The following CDC42BPB variants were observed in gnomAD, a reference collection of about 807,000 sequenced individuals.
The protein encoded by CDC42BPB is serine/threonine-protein kinase MRCK beta.
Under a neutral mutation model 214.9 loss-of-function variants are expected in CDC42BPB, and 37 were observed. The ratio of observed to expected loss-of-function variants is 0.17; its 90% CI spans 0.13 to 0.23. The LOEUF (loss-of-function observed/expected upper bound fraction) is 0.23. CDC42BPB is among the 10% of genes least tolerant of loss of function. The probability of loss-of-function intolerance (pLI) is 1.00; values close to 1 mark genes in which losing one functional copy is unlikely to be tolerated. For missense variants in CDC42BPB, 1,694 were observed against 2,227.0 expected, an observed-to-expected ratio of 0.76 and a Z score of 4.82; for synonymous variants, 931 against 884.0, an observed-to-expected ratio of 1.05 and a Z score of -0.94.
intron 2 of CDC42BPB, 109 bp downstream of exon 2, chr14:103,011,988 A>G: frequency 1.4e-6 from 1 of 737,624 alleles, no homozygotes; most frequent in Non-Finnish European, 2.4e-6. Flanking sequence ...TCCAAATAAT[A>G]CTAATTACCT....
At chr14:103,026,905 A>G (rs1014955634) in intron 1 of CDC42BPB, among the ~76,000 whole-genome samples, 1 of 152,030 alleles carries the variant, frequency 6.6e-6, no homozygotes, top group Admixed American at 6.6e-5. Flanking sequence ...CAAACAACAG[A>G]AGCGTAGGAA....
chr14:102,951,800 G>T (rs1392425497), intron 24 of CDC42BPB, among the ~76,000 whole-genome samples: 1 of 151,436 alleles, frequency 6.6e-6, no homozygotes, highest in African/African-American at 2.4e-5. Flanking sequence ...AAAAGAAATA[G>T]AAAAAAAGAA....
chr14:102,949,666 C>T, intron 26 of CDC42BPB, 99 bp downstream of exon 26: 5 of 1,468,582 alleles, frequency 3.4e-6, no homozygotes, highest in Non-Finnish European at 4.7e-6. Flanking sequence ...AGGTGAAGTA[C>T]TAATGAGGTG....
At position 102,943,698 on chromosome 14, in the gene CDC42BPB, G is replaced by A. The variant is rs185306250; in HGVS notation, c.4408+193C>T. On this transcript the variant is annotated intron_variant, in intron 30 of 36. Coordinates refer to ENST00000361246, the MANE Select transcript of CDC42BPB (RefSeq NM_006035.4). This position sits in a 1 kb window ranked among gnomAD's most constrained non-coding sequence, Gnocchi z 4.6. ...CTCAGGGAGAGAGGTTGCTGAGCCC[G>A]CCTACTGCTGGTCTGAGACGTGAGA... The A allele has an allele frequency of 6.6e-5, 38 of 579,666 alleles. No homozygotes were observed. The highest frequency in any genetic ancestry group is 6.4e-5 in the Admixed American group (2 of 31,242). The allele number at this position is 579,666 out of a possible 1,614,324, so 35.9% of individuals were successfully genotyped here. A position where few individuals can be genotyped will look rare whatever the true frequency, so the allele number is the denominator to read the frequency against.
At chr14:103,029,791 G>A (rs1167509448) in intron 1 of CDC42BPB, among the ~76,000 whole-genome samples, 3 of 149,358 alleles carry the variant, frequency 2.0e-5, no homozygotes, top group South Asian at 4.3e-4. Context: ...CCCAGGAGGC[G>A]GAGGTTGCAG....
intron 14 of CDC42BPB, 98 bp downstream of exon 14, chr14:102,970,053 C>A: frequency 2.1e-6 from 2 of 974,374 alleles, no homozygotes; most frequent in South Asian, 1.5e-5. Flanking sequence ...TGACACTCGG[C>A]CCGGACCACA....
intron 5 of CDC42BPB, among the ~76,000 whole-genome samples, chr14:102,994,588 C>A (rs1050095996): frequency 6.6e-6 from 1 of 152,188 alleles, no homozygotes; most frequent in Non-Finnish European, 1.5e-5. Flanking sequence ...CGGGGAGCAG[C>A]GGCGTCTTCA....
chr14:102,941,549 G>C, intron 30 of CDC42BPB: 2 of 985,412 alleles, frequency 2.0e-6, no homozygotes, highest in Non-Finnish European at 2.4e-6. Context: ...TGCCCTTCAG[G>C]GAACCACTCT....
chr14:102,964,282 G>C (rs1020322826), intron 19 of CDC42BPB, among the ~76,000 whole-genome samples: 1 of 152,178 alleles, frequency 6.6e-6, no homozygotes, highest in Non-Finnish European at 1.5e-5. Context: ...ACCCCCCCGC[G>C]GCAGGCAAGG....
chr14:102,993,405 G>A (rs764079590), intron 5 of CDC42BPB, among the ~76,000 whole-genome samples: 2 of 152,168 alleles, frequency 1.3e-5, no homozygotes, highest in East Asian at 1.9e-4. Flanking sequence ...CCAAGAGCAC[G>A]TCTATTAACA....
chr14:102,952,508 G>A lies in CDC42BPB; in HGVS notation c.3162C>T (p.Tyr1054=), dbSNP rs761786488. Residue 1054 remains tyrosine (Y), a synonymous_variant, in exon 24 of 37, where the codon TAC becomes TAT. Coordinates refer to ENST00000361246, the MANE Select transcript of CDC42BPB (RefSeq NM_006035.4). ...SLMVGLIRQG[Y]ACEVCSFACH... is the part of the protein sequence containing the mutation. ...TGCAACGACACTCACCCTCGCAGGC[G>A]TAGCCCTGCCGGATCAGCCCAACCA... The A allele has an allele frequency of 1.8e-5, 29 of 1,606,692 alleles. No homozygotes were observed. The Admixed American group carries it at 2.0e-4, about 11-fold the overall frequency.
intron 1 of CDC42BPB, among the ~76,000 whole-genome samples, chr14:103,015,788 A>T (rs558805819): frequency 6.6e-6 from 1 of 152,004 alleles, no homozygotes; most frequent in Non-Finnish European, 1.5e-5. Flanking sequence ...AGCTCACTGC[A>T]ACCTCCGCCT....
intron 17 of CDC42BPB, 88 bp from the exon 18 acceptor site, chr14:102,966,475 CACACAGTG>C: frequency 1.3e-6 from 2 of 1,548,572 alleles, no homozygotes; most frequent in Admixed American, 1.8e-5. Context: ...CCTTCCTCGG[CACACAGTG>C]ACACAGTGTC....
intron 1 of CDC42BPB, among the ~76,000 whole-genome samples, chr14:103,030,827 A>T (rs1177734019): frequency 6.6e-6 from 1 of 152,182 alleles, no homozygotes; most frequent in African/African-American, 2.4e-5. Context: ...CTACAAAAAA[A>T]TTCACAAAAA....
At chr14:102,934,398 G>T (rs1336815786) in intron 36 of CDC42BPB, among the ~76,000 whole-genome samples, 1 of 152,212 alleles carries the variant, frequency 6.6e-6, no homozygotes, top group Non-Finnish European at 1.5e-5. Flanking sequence ...GCCGGGCGTG[G>T]CAGCATGCAC....
intron 1 of CDC42BPB, among the ~76,000 whole-genome samples, chr14:103,023,397 C>G (rs2139679170): frequency 6.6e-6 from 1 of 152,164 alleles, no homozygotes; most frequent in Non-Finnish European, 1.5e-5. Flanking sequence ...AAACTCCTCA[C>G]CTCAGGTGAT....
At chr14:103,035,540 A>G (rs888265678) in intron 1 of CDC42BPB, among the ~76,000 whole-genome samples, 1 of 151,826 alleles carries the variant, frequency 6.6e-6, no homozygotes, top group African/African-American at 2.4e-5. Context: ...TCTACAAAAT[A>G]CTAAAAACAA....
intron 11 of CDC42BPB, among the ~76,000 whole-genome samples, chr14:102,975,069 G>A (rs1268613983): frequency 6.6e-6 from 1 of 152,244 alleles, no homozygotes; most frequent in Non-Finnish European, 1.5e-5. Flanking sequence ...GGAGCAGGCA[G>A]AGTCACTGAT....
intron 11 of CDC42BPB, among the ~76,000 whole-genome samples, chr14:102,975,477 C>T (rs1381168538): frequency 3.3e-5 from 5 of 152,104 alleles, no homozygotes; most frequent in Non-Finnish European, 5.9e-5. Context: ...GAGCTGAGAT[C>T]GCACCACTGC....
Sources: allele counts gnomAD v4.1 joint callset (sites outside exome capture counted in the v4.1 genomes callset), GRCh38; gene constraint gnomAD v4.1.1; non-coding constraint Gnocchi (gnomAD v3.1); transcripts MANE v1.5; gene names NCBI Gene and HGNC (gene_info 2026-07-23, HGNC 2026-07-21).